Variants in ADAM8 observed in about 807,000 individuals in gnomAD.
ADAM8 encodes the protein ADAM metallopeptidase domain 8, also known as disintegrin and metalloproteinase domain-containing protein 8.
A neutral mutation model predicts 102.4 loss-of-function variants in ADAM8; 104 were observed. The ratio of observed to expected loss-of-function variants is 1.02; its 90% CI spans 0.87 to 1.20. The LOEUF (loss-of-function observed/expected upper bound fraction) is 1.20, where lower values mean the gene tolerates loss of function less well. Among genes scored for constraint, ADAM8 ranks in the 50% most tolerant of loss-of-function variants. The pLI is 0.00. For synonymous variants in ADAM8, 517 were observed against 485.2 expected, an observed-to-expected ratio of 1.07 and a Z score of -0.86; for missense variants, 1,132 against 1,159.0, an observed-to-expected ratio of 0.98 and a Z score of 0.34.
Position 133,272,716 on chromosome 10 carries a change from A to T in ADAM8, c.705+82T>A, listed in dbSNP as rs1253478318. The T allele has an allele frequency of 2.6e-6, 4 of 1,527,292 alleles. No homozygotes were observed. In the African/African-American group the frequency reaches 5.7e-5, roughly 22 times the overall value. The allele number at this position is 1,527,292 out of a possible 1,614,324, so 94.6% of individuals were successfully genotyped here. A position where few individuals can be genotyped will look rare whatever the true frequency, so the allele number is the denominator to read the frequency against. Reference sequence around the variant, plus strand: ...CACAGGTGCGGGGCAGAGCTGGAGCAGGTGGAATGAACCCTGTGGCAACAC... The same window carrying T: ...CACAGGTGCGGGGCAGAGCTGGAGCTGGTGGAATGAACCCTGTGGCAACAC... On this transcript the variant is annotated intron_variant, in intron 8 of 22. Transcript: ENST00000445355.
intron 14 of ADAM8, 23 bp downstream of exon 14, chr10:133,270,858 G>C: frequency 6.2e-7 from 1 of 1,610,522 alleles, no homozygotes; most frequent in Non-Finnish European, 8.5e-7. Flanking sequence ...CACCCTGCCA[G>C]GCCAGCTCTG....
At chr10:133,272,094 T>G (rs753351260) in intron 10 of ADAM8, 99 bp downstream of exon 10, 1 of 1,503,280 alleles carries the variant, frequency 6.7e-7, no homozygotes, top group Non-Finnish European at 9.1e-7. Context: ...AAACCTGGCC[T>G]GAGGGGAGGT....
chr10:133,271,512 T>C lies in ADAM8; in HGVS notation c.1284+16A>G, dbSNP rs564902886. On this transcript the variant is annotated intron_variant, in intron 12 of 22. Coordinates refer to ENST00000445355, the MANE Select transcript of ADAM8 (RefSeq NM_001109.5). Reference sequence around the variant, plus strand: ...CACCCAGTGCTGACGGGAGCAGGTATGGGGCATGGACGCACCTCGGGGGGG... The same window carrying C: ...CACCCAGTGCTGACGGGAGCAGGTACGGGGCATGGACGCACCTCGGGGGGG... 1.0e-5 allele frequency: 16 copies of C among 1,543,320 alleles called. No homozygotes were observed. The African/African-American group carries it at 1.1e-4, about 10-fold the overall frequency.
At position 133,273,338 on chromosome 10, in the gene ADAM8, C is replaced by T. The variant is rs368709574; in HGVS notation, c.489G>A (p.Thr163=). Residue 163 remains threonine, a synonymous_variant, in exon 6 of 23, where the codon ACG becomes ACA. Transcript: ENST00000445355. The part of the protein sequence containing the change: ...AVYQAEHLLQ[T]AGTCGVSDDS... ...CGTCGCTGACCCCGCAGGTCCCGGC[C>T]GTCTGCAGCAGGTGCTCAGCCTGGT... 52 of 1,572,968 alleles carry T rather than the reference C, an allele frequency of 3.3e-5. No homozygotes were observed. Among genetic ancestry groups the T allele is most frequent in the Non-Finnish European group, 4.0e-5 (46 of 1,160,168 alleles).
intron 2 of ADAM8, chr10:133,274,775 C>T (rs2136094583): frequency 2.6e-6 from 1 of 378,954 alleles, no homozygotes; most frequent in South Asian, 1.8e-5. Flanking sequence ...CAGGACCCAT[C>T]CCTTCCAGCA....
rs922703620 is a variant in ADAM8, at chr10:133,262,826, G to A, written c.*330C>T. The A allele has an allele frequency of 2.8e-5, 9 of 321,964 alleles. No individual in the cohort carries two copies. Among genetic ancestry groups the A allele is most frequent in the Admixed American group, 4.9e-5 (1 of 20,370 alleles). 19.9% of individuals were successfully genotyped at this position (321,964 alleles called of 1,614,324 possible). On this transcript the variant is annotated 3_prime_UTR_variant, in exon 23 of 23. Coordinates refer to ENST00000445355, the MANE Select transcript of ADAM8 (RefSeq NM_001109.5). Reference sequence around the variant, plus strand: ...GCAGGGGCAGGTGTGGCTGGGAGGGGCTGTATATGTGGCCTCCTGAACACA... The same window carrying A: ...GCAGGGGCAGGTGTGGCTGGGAGGGACTGTATATGTGGCCTCCTGAACACA...
intron 8 of ADAM8, 26 bp downstream of exon 8, chr10:133,272,772 C>A (rs113896510): frequency 8.1e-6 from 13 of 1,596,586 alleles, no homozygotes; most frequent in African/African-American, 1.3e-5. Context: ...GGCTCTGGCA[C>A]CTCTGCAGCC....
Position 133,272,559 on chromosome 10 carries a change from C to G in ADAM8, c.732G>C (p.Val244=). ...DKLYQKLNFR[V]VLVGLEIWNS... The stretch of plus-strand genomic sequence containing the variant: ...TCCAAATCTCCAGGCCCACCAGGAC[C>G]ACACGGAAGTTGAGTTTCTGATATA... The change falls in exon 9 of 23, where the codon GTG becomes GTC. Residue 244 remains valine, a synonymous_variant. Coordinates refer to ENST00000445355, the MANE Select transcript of ADAM8 (RefSeq NM_001109.5). The G allele has an allele frequency of 6.2e-7, 1 of 1,611,326 alleles. No homozygotes were observed.
At position 133,273,490 on chromosome 10, in the gene ADAM8, G is replaced by A. The variant is rs1015346069; in HGVS notation, c.384-47C>T. On this transcript the variant is annotated intron_variant, in intron 5 of 22. Coordinates refer to ENST00000445355, the MANE Select transcript of ADAM8 (RefSeq NM_001109.5). Reference sequence around the variant, plus strand: ...TGTGCTGTGGGCTTCAGAGTGGCCTGGTCCTGCCCCGAAGGACCAGAGGCT... The same window carrying A: ...TGTGCTGTGGGCTTCAGAGTGGCCTAGTCCTGCCCCGAAGGACCAGAGGCT... The A allele has an allele frequency of 6.0e-6, 9 of 1,489,014 alleles. No individual in the cohort carries two copies. In the African/African-American group the frequency reaches 1.3e-4, roughly 21 times the overall value. 92.2% of individuals were successfully genotyped at this position (1,489,014 alleles called of 1,614,324 possible). A position where few individuals can be genotyped will look rare whatever the true frequency, so the allele number is the denominator to read the frequency against.
In ADAM8 at chr10:133,263,020, C is replaced by T; in HGVS notation, c.*136G>A. ...AGGAGCCTCTCAGGTAGATGCATTCCTGAGGTTAGAACAGCAGCTGAGCCT... is the reference window on the plus strand; with the variant it reads ...AGGAGCCTCTCAGGTAGATGCATTCTTGAGGTTAGAACAGCAGCTGAGCCT... On this transcript the variant is annotated 3_prime_UTR_variant, in exon 23 of 23. Coordinates refer to ENST00000445355, the MANE Select transcript of ADAM8 (RefSeq NM_001109.5). The T allele has an allele frequency of 9.3e-7, 1 of 1,077,408 alleles. No homozygotes were observed. Among genetic ancestry groups the T allele is most frequent in the Non-Finnish European group, 1.4e-6 (1 of 698,154 alleles). 66.7% of individuals were successfully genotyped at this position (1,077,408 alleles called of 1,614,324 possible). A position where few individuals can be genotyped will look rare whatever the true frequency, so the allele number is the denominator to read the frequency against.
chr10:133,275,135 C>T (rs1168291665), intron 2 of ADAM8: 13 of 347,472 alleles, frequency 3.7e-5, no homozygotes, highest in South Asian at 3.0e-4. Context: ...CCAGGCCCCC[C>T]CCCCAACACA....
chr10:133,273,127 G>T, intron 6 of ADAM8, 108 bp from the exon 7 acceptor site: 2 of 1,588,334 alleles, frequency 1.3e-6, no homozygotes, highest in Non-Finnish European at 1.7e-6. Context: ...CTGGGGGAGC[G>T]TGGCCAGGCC....
At chr10:133,272,092 C>A in intron 10 of ADAM8, 101 bp downstream of exon 10, 1 of 1,506,600 alleles carries the variant, frequency 6.6e-7, no homozygotes, top group South Asian at 1.2e-5. Context: ...TTAAACCTGG[C>A]CTGAGGGGAG....
rs1030646607 is a variant in ADAM8, at chr10:133,262,767, G to C, written c.*389C>G. The C allele has an allele frequency of 9.4e-6, 2 of 213,014 alleles. No homozygotes were observed. The highest frequency in any genetic ancestry group is 1.9e-5 in the Non-Finnish European group (2 of 104,778). 13.2% of individuals were successfully genotyped at this position (213,014 alleles called of 1,614,324 possible). ...CCCACGTCTGTGCTGCCTGGAACCG[G>C]GTGCCCAGGGCAGCCGGCTCAGCAG... is the stretch of plus-strand genomic sequence containing the variant. On this transcript the variant is annotated 3_prime_UTR_variant, in exon 23 of 23. Transcript: ENST00000445355.
At position 133,270,874 on chromosome 10, in the gene ADAM8, A is replaced by T. The variant is rs774796093; in HGVS notation, c.1564+7T>A. Reference sequence around the variant, plus strand: ...ACCCTGCCAGGCCAGCTCTGTGCCCACTTCACCTGGCCCCCAGAAGGCCTG... The same window carrying T: ...ACCCTGCCAGGCCAGCTCTGTGCCCTCTTCACCTGGCCCCCAGAAGGCCTG... On this transcript the variant is annotated splice_region_variant and intron_variant, in intron 14 of 22. Transcript: ENST00000445355. 3.1e-5 allele frequency: 50 copies of T among 1,610,338 alleles called. No homozygotes were observed. Among genetic ancestry groups the T allele is most frequent in the Non-Finnish European group, 4.1e-5 (48 of 1,178,146 alleles).
intron 19 of ADAM8, 144 bp from the exon 20 acceptor site, chr10:133,268,262 A>G: frequency 3.9e-6 from 3 of 767,306 alleles, no homozygotes; most frequent in East Asian, 3.4e-5. Flanking sequence ...CAGGCCCAGG[A>G]GGTGGGGCGG....
chr10:133,263,166 G>A lies in ADAM8; in HGVS notation c.2465C>T (p.Thr822Ile). The change falls in exon 23 of 23, where the codon ACA becomes ATA. Residue 822 changes from threonine (T) to isoleucine (I), a missense_variant. Physicochemically the swap from Thr to Ile is moderately conservative, Grantham distance 89 (BLOSUM62 -1). Transcript: ENST00000445355. ...GGCGCAGGTGCCCCCCTAGGGTGCTGTGGGAGCTCCGGCTCCTTGCTTCCT... is the reference window on the plus strand; with the variant it reads ...GGCGCAGGTGCCCCCCTAGGGTGCTATGGGAGCTCCGGCTCCTTGCTTCCT... ...IQRKQGAGAP[T>I]AP 1 of 1,613,970 alleles carries A rather than the reference G, an allele frequency of 6.2e-7. No homozygotes were observed. The highest frequency in any genetic ancestry group is 8.5e-7 in the Non-Finnish European group (1 of 1,179,882).
intron 20 of ADAM8, 96 bp from the exon 21 acceptor site, chr10:133,267,513 G>A: frequency 7.9e-7 from 1 of 1,260,898 alleles, no homozygotes; most frequent in Non-Finnish European, 1.1e-6. Flanking sequence ...TGCCTCTTGT[G>A]TGTGCTGGAG....
At chr10:133,268,707 A>C in intron 19 of ADAM8, 41 bp downstream of exon 19, 1 of 1,575,930 alleles carries the variant, frequency 6.3e-7, no homozygotes. Context: ...TGAGCACGGG[A>C]AGCACTCGCC....
Sources: allele counts gnomAD v4.1 joint callset, GRCh38; gene constraint gnomAD v4.1.1; transcripts MANE v1.5; gene names NCBI Gene and HGNC (gene_info 2026-07-23, HGNC 2026-07-21).